Variants in DSC1 observed in about 807,000 individuals in gnomAD.
DSC1 encodes the protein desmocollin-1.
A neutral mutation model predicts 98.8 loss-of-function variants in DSC1; 79 were observed. The ratio of observed to expected loss-of-function variants is 0.80; its 90% CI spans 0.67 to 0.96. The LOEUF (loss-of-function observed/expected upper bound fraction) is 0.96, where lower values mean the gene tolerates loss of function less well. Ranked by LOEUF, DSC1 falls within the 50% of genes least tolerant of loss-of-function variation. The probability of loss-of-function intolerance (pLI) is 0.00; values close to 1 mark genes in which losing one functional copy is unlikely to be tolerated. For missense variants in DSC1, 1,115 were observed against 1,075.9 expected (o/e 1.04, Z -0.51); for synonymous variants, 405 against 372.1 (o/e 1.09, Z -1.02).
intron 5 of DSC1, among the ~76,000 whole-genome samples, chr18:31,151,832 A>G (rs1228746456): frequency 6.6e-6 from 1 of 152,182 alleles, no homozygotes; most frequent in Non-Finnish European, 1.5e-5. Flanking sequence ...ATATATGAAG[A>G]GAATTAATCG....
intron 1 of DSC1, among the ~76,000 whole-genome samples, chr18:31,161,521 C>T (rs1011807330): frequency 6.6e-6 from 1 of 152,156 alleles, no homozygotes; most frequent in Non-Finnish European, 1.5e-5. Context: ...TCATTAAATA[C>T]TATTCCCGTC....
chr18:31,154,094 C>T (rs957727135), intron 5 of DSC1, among the ~76,000 whole-genome samples: 3 of 152,040 alleles, frequency 2.0e-5, no homozygotes, highest in Admixed American at 1.3e-4. Flanking sequence ...CATCAGTCCA[C>T]CAAAGAGTTA....
intron 15 of DSC1, chr18:31,130,954 G>A (rs1401129908): frequency 3.5e-5 from 32 of 918,296 alleles, no homozygotes; most frequent in South Asian, 2.5e-4. Context: ...CATATATCAC[G>A]CAACACATTT....
At position 31,134,051 on chromosome 18, in the gene DSC1, A is replaced by G. The variant is rs1988552850; in HGVS notation, c.1956T>C (p.His652=). The G allele has an allele frequency of 1.9e-6, 3 of 1,612,412 alleles. No homozygotes were observed. Among genetic ancestry groups the G allele is most frequent in the East Asian group, 2.2e-5 (1 of 44,766 alleles). ...YSVPIQIKDR[H]GLVATHMLTV... ...TTAACATATGTGTTGCAACTAAACC[A>G]TGCCTGTCTTTTATTTGAATAGGCA... The change falls in exon 13 of 16, where the codon CAT becomes CAC. Residue 652 remains histidine (H), a synonymous_variant. Transcript: ENST00000257198.
chr18:31,137,810 T>C (rs1988643395), intron 11 of DSC1, among the ~76,000 whole-genome samples: 2 of 152,128 alleles, frequency 1.3e-5, no homozygotes, highest in Admixed American at 6.5e-5. Context: ...GCAATGCTAC[T>C]CTAGGTGGAA....
At chr18:31,135,280 T>C (rs1988587010) in intron 11 of DSC1, among the ~76,000 whole-genome samples, 1 of 152,158 alleles carries the variant, frequency 6.6e-6, no homozygotes, top group Admixed American at 6.6e-5. Flanking sequence ...TCTCCTCTTC[T>C]TTGCCAGATA....
At chr18:31,161,273 C>T (rs1989202848) in intron 1 of DSC1, among the ~76,000 whole-genome samples, 1 of 151,958 alleles carries the variant, frequency 6.6e-6, no homozygotes, top group South Asian at 2.1e-4. Flanking sequence ...CCATTATAAT[C>T]TATGGGACCA....
chr18:31,149,207 C>T (rs941905446), intron 5 of DSC1, among the ~76,000 whole-genome samples: 2 of 152,138 alleles, frequency 1.3e-5, no homozygotes, highest in Admixed American at 6.6e-5. Context: ...TGTCCTTTGC[C>T]TTTAAACTCC....
chr18:31,157,674 A>G, intron 2 of DSC1, 101 bp from the exon 3 acceptor site: 1 of 1,296,116 alleles, frequency 7.7e-7, no homozygotes, highest in Non-Finnish European at 1.1e-6. Flanking sequence ...AAGCAGAAAA[A>G]GGGAGGTTAC....
At chr18:31,132,207 T>C in intron 14 of DSC1, 1 of 349,012 alleles carries the variant, frequency 2.9e-6, no homozygotes, top group East Asian at 6.7e-5. Flanking sequence ...ATATGAAGAT[T>C]TGATTTCCAC....
chr18:31,145,135 C>T (rs1187689978), intron 7 of DSC1, among the ~76,000 whole-genome samples: 1 of 151,644 alleles, frequency 6.6e-6, no homozygotes, highest in East Asian at 2.0e-4. Context: ...GTAGAGACGG[C>T]GTTTCATGGT....
At chr18:31,149,035 A>T (rs1988905981) in intron 5 of DSC1, among the ~76,000 whole-genome samples, 1 of 152,176 alleles carries the variant, frequency 6.6e-6, no homozygotes, top group Admixed American at 6.5e-5. Flanking sequence ...GGACATCACA[A>T]CTATTTCAGG....
chr18:31,135,026 G>C (rs1988580440), intron 11 of DSC1, among the ~76,000 whole-genome samples: 1 of 152,148 alleles, frequency 6.6e-6, no homozygotes, highest in African/African-American at 2.4e-5. Flanking sequence ...ATGAGATTAT[G>C]AGGAAGGTCA....
rs940638965 is a variant in DSC1, at chr18:31,162,652, A to G, written c.-58T>C. 20 of 1,520,566 alleles carry G rather than the reference A, an allele frequency of 1.3e-5. No homozygotes were observed. Among genetic ancestry groups the G allele is most frequent in the Non-Finnish European group, 2.7e-6 (3 of 1,095,870 alleles). The allele number at this position is 1,520,566 out of a possible 1,614,324, so 94.2% of individuals were successfully genotyped here. ...CAGATAACAGGGCAGCCTGGGATGC[A>G]CAGAGCGGCTAAGAAGACGCTGGCA... is the stretch of plus-strand genomic sequence containing the variant. On this transcript the variant is annotated 5_prime_UTR_variant, in exon 1 of 16. Transcript: ENST00000257198.
chr18:31,133,813 A>T (rs1225995072), intron 13 of DSC1, 78 bp downstream of exon 13: 1 of 1,420,252 alleles, frequency 7.0e-7, no homozygotes, highest in African/African-American at 1.5e-5. Context: ...CTATTAATAT[A>T]AAAAACTTCC....
At chr18:31,154,084 C>T (rs1989048726) in intron 5 of DSC1, among the ~76,000 whole-genome samples, 1 of 152,076 alleles carries the variant, frequency 6.6e-6, no homozygotes. Flanking sequence ...TCAGATGAGA[C>T]ATCAGTCCAC....
chr18:31,143,309 G>A lies in DSC1; in HGVS notation c.1074+348C>T, dbSNP rs76465409. Among the ~76,000 whole-genome samples the A allele has an allele frequency of 7.1e-3, 1,076 of 151,032 alleles. 9 individuals are homozygous for A. Among genetic ancestry groups the A allele is most frequent in the African/African-American group, 0.025 (1,022 of 40,996 alleles). On this transcript the variant is annotated intron_variant, in intron 8 of 15. Transcript: ENST00000257198. ...AAATGTAAAGGACACCAGAGAGAGA[G>A]CCTCTCCTCCTTCACCCTACATAAA...
chr18:31,138,372 T>A (rs921264895), intron 11 of DSC1, among the ~76,000 whole-genome samples: 3 of 152,116 alleles, frequency 2.0e-5, no homozygotes, highest in Admixed American at 6.6e-5. Context: ...TCATACATTC[T>A]TTTTGAGGAA....
At chr18:31,143,930 G>C in intron 7 of DSC1, 139 bp from the exon 8 acceptor site, 2 of 572,206 alleles carry the variant, frequency 3.5e-6, no homozygotes, top group Non-Finnish European at 5.1e-6. Flanking sequence ...TTATTTATTT[G>C]AGATGGGGTC....
Sources: gnomAD v4.1 joint callset for allele counts (sites outside exome capture counted in the v4.1 genomes callset) on GRCh38, gnomAD v4.1.1 for gene constraint, MANE v1.5 for transcripts, NCBI Gene and HGNC (gene_info 2026-07-23, HGNC 2026-07-21) for gene names.